FRMD4A: variants seen among roughly 807,000 people sequenced by gnomAD.
The protein encoded by FRMD4A is FERM domain containing 4A, also known as FERM domain-containing protein 4A.
A neutral mutation model predicts 129.1 loss-of-function variants in FRMD4A; 29 were observed. That is an observed-to-expected ratio of 0.22 (90% CI 0.17 to 0.31). The LOEUF is 0.31. Ranked by LOEUF, FRMD4A falls within the 10% of genes least tolerant of loss-of-function variation. The pLI is 1.00. For synonymous variants in FRMD4A, 634 were observed against 571.6 expected (o/e 1.11, Z -1.56); for missense variants, 1,272 against 1,375.8 (o/e 0.92, Z 1.19).
chr10:13,718,115 G>C (rs2089029976), intron 12 of FRMD4A, among the ~76,000 whole-genome samples: 1 of 152,100 alleles, frequency 6.6e-6, no homozygotes, highest in South Asian at 2.1e-4. Flanking sequence ...GGAGGGGAGA[G>C]GTCCCAGCGC....
At chr10:13,699,563 G>T (rs2086604007) in intron 14 of FRMD4A, among the ~76,000 whole-genome samples, 2 of 152,188 alleles carry the variant, frequency 1.3e-5, no homozygotes, top group Non-Finnish European at 2.9e-5. Flanking sequence ...GGAGGAGCTT[G>T]AACAGCCAAT....
intron 4 of FRMD4A, among the ~76,000 whole-genome samples, chr10:13,809,660 AG>A (rs1016387941): frequency 2.6e-5 from 4 of 152,100 alleles, no homozygotes; most frequent in African/African-American, 9.7e-5. Context: ...CTCCAGGACG[AG>A]GGGCCCACCT....
intron 2 of FRMD4A, among the ~76,000 whole-genome samples, chr10:14,264,283 T>C (rs1844902777): frequency 6.6e-6 from 1 of 152,202 alleles, no homozygotes; most frequent in Admixed American, 6.5e-5. Flanking sequence ...ATTTCTGTTT[T>C]ATCTTTTATC....
In FRMD4A at chr10:13,692,140, C is replaced by CTTTTTTTTTTTTTTTTTTTTTTT. The variant is rs747299123; in HGVS notation, c.1117+1735_1117+1757dup. ...CTTGAAGCTTATAAAATTTTAGCAG[C>CTTTTTTTTTTTTTTTTTTTTTTT]TTTTTTTTTTTTTTTTTTTTTTTTT... On this transcript the variant is annotated intron_variant, in intron 15 of 24. Coordinates refer to ENST00000357447, the MANE Select transcript of FRMD4A (RefSeq NM_018027.5). The CTTTTTTTTTTTTTTTTTTTTTTT allele has an allele frequency of 3.8e-4, 38 of 100,484 alleles. 19 individuals are homozygous for CTTTTTTTTTTTTTTTTTTTTTTT. The highest frequency in any genetic ancestry group is 4.1e-4 in the African/African-American group (10 of 24,450). 6.2% of individuals were successfully genotyped at this position (100,484 alleles called of 1,614,324 possible). A position where few individuals can be genotyped will look rare whatever the true frequency, so the allele number is the denominator to read the frequency against.
At chr10:13,933,158 CA>C (rs55912279) in intron 2 of FRMD4A, among the ~76,000 whole-genome samples, 31,585 of 144,084 alleles carry the variant, frequency 0.22, 3,633 homozygotes, top group Non-Finnish European at 0.27. Flanking sequence ...AACTCTGTCT[CA>C]AAAAAAAAAA....
At chr10:13,861,513 C>A (rs1424321100) in intron 2 of FRMD4A, among the ~76,000 whole-genome samples, 1 of 152,080 alleles carries the variant, frequency 6.6e-6, no homozygotes, top group East Asian at 1.9e-4. Flanking sequence ...ACTTAGCAGC[C>A]CCCAGCTCTG....
intron 2 of FRMD4A, among the ~76,000 whole-genome samples, chr10:14,267,843 A>G (rs796501431): frequency 7.2e-5 from 11 of 152,306 alleles, no homozygotes; most frequent in African/African-American, 2.4e-4. Flanking sequence ...CTAGATACCT[A>G]ATCACTCTGT....
chr10:13,750,109 G>GAAAGAAAGGAAGAAAGAAAGAAAGAAAGA (rs59377985), intron 8 of FRMD4A, among the ~76,000 whole-genome samples: 1 of 73,578 alleles, frequency 1.4e-5, no homozygotes, highest in Non-Finnish European at 2.6e-5. Flanking sequence ...AGAAAGAAAT[G>GAAAGAAAGGAAGAAAGAAAGAAAGAAAGA]AAGAAAGAAA....
At chr10:13,680,658 G>A (rs1009588127) in intron 15 of FRMD4A, among the ~76,000 whole-genome samples, 13 of 152,128 alleles carry the variant, frequency 8.5e-5, no homozygotes, top group Non-Finnish European at 1.3e-4. Context: ...CCTCGGAGGC[G>A]GAGGTTGCGG....
chr10:14,182,155 G>C (rs1187857209), intron 2 of FRMD4A, among the ~76,000 whole-genome samples: 2 of 152,202 alleles, frequency 1.3e-5, no homozygotes, highest in African/African-American at 4.8e-5. Context: ...CTAGACTGGG[G>C]AGGGGACAAA....
At position 14,137,720 on chromosome 10, in the gene FRMD4A, A is replaced by G. The variant is rs140371582; in HGVS notation, c.45+192338T>C. On this transcript the variant is annotated intron_variant, in intron 2 of 24. Coordinates refer to ENST00000357447, the MANE Select transcript of FRMD4A (RefSeq NM_018027.5). ...CCGCAACCATCTCTCTTCATTAGCCATCAATTGCATATATGTTTTTCCCAC... is the reference window on the plus strand; with the variant it reads ...CCGCAACCATCTCTCTTCATTAGCCGTCAATTGCATATATGTTTTTCCCAC... Among the ~76,000 whole-genome samples, 368 of 152,294 alleles carry G rather than the reference A, an allele frequency of 2.4e-3. 3 individuals carry two copies. The highest frequency in any genetic ancestry group is 8.5e-3 in the African/African-American group (354 of 41,548).
intron 2 of FRMD4A, among the ~76,000 whole-genome samples, chr10:13,884,220 A>ACTCACACACACT: frequency 1.3e-5 from 1 of 77,588 alleles, no homozygotes; most frequent in South Asian, 4.7e-4. Context: ...ACACACACAC[A>ACTCACACACACT]CACACACACA....
At chr10:13,798,348 G>A (rs900070167) in intron 4 of FRMD4A, among the ~76,000 whole-genome samples, 1 of 151,962 alleles carries the variant, frequency 6.6e-6, no homozygotes, top group African/African-American at 2.4e-5. Flanking sequence ...GGAGATGGAG[G>A]TTGCAGTGAG....
chr10:13,799,601 C>G (rs1564823440), intron 4 of FRMD4A, among the ~76,000 whole-genome samples: 1 of 152,208 alleles, frequency 6.6e-6, no homozygotes, highest in Non-Finnish European at 1.5e-5. Context: ...GCCCCCAACT[C>G]TGTGGGTCTT....
intron 2 of FRMD4A, among the ~76,000 whole-genome samples, chr10:13,877,651 T>C (rs2094501941): frequency 6.6e-6 from 1 of 152,268 alleles, no homozygotes; most frequent in Non-Finnish European, 1.5e-5. Context: ...GGCTAGAGGC[T>C]ACCGCCTTTC....
At chr10:13,692,870 CTTTT>C (rs1393394834) in intron 15 of FRMD4A, 1 of 151,644 alleles carries the variant, frequency 6.6e-6, no homozygotes, top group Non-Finnish European at 1.5e-5. Flanking sequence ...TTCCACTTTT[CTTTT>C]TTTGTTTTTT....
chr10:13,697,340 G>A (rs1589426018), intron 14 of FRMD4A, among the ~76,000 whole-genome samples: 1 of 152,108 alleles, frequency 6.6e-6, no homozygotes, highest in South Asian at 2.1e-4. Flanking sequence ...TAGATACGGG[G>A]TTTTGCCATG....
chr10:13,871,341 G>A (rs1428179579), intron 2 of FRMD4A, among the ~76,000 whole-genome samples: 1 of 152,160 alleles, frequency 6.6e-6, no homozygotes, highest in East Asian at 1.9e-4. Flanking sequence ...ATGATGTCTG[G>A]ACACCGGACC....
intron 8 of FRMD4A, among the ~76,000 whole-genome samples, chr10:13,750,117 A>AAATG (rs60174242): frequency 0.034 from 4,448 of 131,396 alleles, 92 homozygotes; most frequent in Middle Eastern, 0.043. Context: ...ATGAAGAAAG[A>AAATG]AAGAAAGAAA....
Sources: allele counts gnomAD v4.1 joint callset (sites outside exome capture counted in the v4.1 genomes callset), GRCh38; gene constraint gnomAD v4.1.1; transcripts MANE v1.5; gene names NCBI Gene and HGNC (gene_info 2026-07-23, HGNC 2026-07-21).